The following RPLP2 variants were observed in gnomAD, a reference collection of about 807,000 sequenced individuals.
RPLP2 encodes ribosomal protein lateral stalk subunit P2.
RPLP2 carries 1 observed loss-of-function variant against 11.5 expected under a neutral mutation model. The ratio of observed to expected loss-of-function variants is 0.09; its 90% CI spans 0.03 to 0.41. The LOEUF (loss-of-function observed/expected upper bound fraction) is 0.41. Ranked by LOEUF, RPLP2 falls within the 10% of genes least tolerant of loss-of-function variation. The pLI is 0.98. For synonymous variants in RPLP2, 82 were observed against 55.9 expected (o/e 1.47, Z -2.08); for missense variants, 177 against 145.6 (o/e 1.22, Z -1.11).
chr11:811,766 A>G, intron 3 of RPLP2, 121 bp downstream of exon 3: 1 of 1,266,288 alleles, frequency 7.9e-7, no homozygotes, highest in Non-Finnish European at 1.2e-6. Context: ...TCACCCGAGG[A>G]GTGAGCAGGG....
chr11:810,285 C>A lies in RPLP2; in HGVS notation c.51C>A (p.Ser17=). 6.2e-7 allele frequency: 1 copy of A among 1,608,096 alleles called. No individual in the cohort carries two copies. The highest frequency in any genetic ancestry group is 2.3e-5 in the East Asian group (1 of 44,294). The change falls in exon 2 of 5, where the codon TCC becomes TCA. Residue 17 remains serine, a synonymous_variant. Transcript: ENST00000321153. ...TGGCTGCCCTAGGGGGCAACTCCTC[C>A]CCCAGCGCCAAGGACATCAAGAAGA... ...YLLAALGGNS[S]PSAKDIKKIL... is the part of the protein sequence containing the mutation.
At chr11:811,388 G>A in intron 2 of RPLP2, 1 of 603,114 alleles carries the variant, frequency 1.7e-6, no homozygotes, top group Non-Finnish European at 3.0e-6. Flanking sequence ...GTGTCCTTTT[G>A]TCAGTCCTAA....
intron 3 of RPLP2, 75 bp downstream of exon 3, chr11:811,720 C>T (rs1382016387): frequency 3.8e-6 from 6 of 1,597,244 alleles, no homozygotes; most frequent in Non-Finnish European, 5.2e-6. Context: ...TGTGGCCTGC[C>T]AGGTTTCGCT....
intron 2 of RPLP2, 115 bp downstream of exon 2, chr11:810,472 T>A: frequency 9.5e-7 from 1 of 1,056,328 alleles, no homozygotes; most frequent in Non-Finnish European, 1.3e-6. Flanking sequence ...CGTTTCAGTC[T>A]AGTTGGCGAT....
chr11:810,286 C>T lies in RPLP2; in HGVS notation c.52C>T (p.Pro18Ser), dbSNP rs199757717. The T allele has an allele frequency of 1.5e-4, 249 of 1,608,024 alleles. No homozygotes were observed. The highest frequency in any genetic ancestry group is 6.5e-5 in the Non-Finnish European group (77 of 1,178,186). Residue 18 changes from proline (P) to serine (S), a missense_variant, in exon 2 of 5, where the codon CCC becomes TCC. Physicochemically the swap from Pro to Ser is moderately conservative, Grantham distance 74. Coordinates refer to ENST00000321153, the MANE Select transcript of RPLP2 (RefSeq NM_001004.4). The stretch of plus-strand genomic sequence containing the variant: ...GGCTGCCCTAGGGGGCAACTCCTCC[C>T]CCAGCGCCAAGGACATCAAGAAGAT... ...LLAALGGNSS[P>S]SAKDIKKILD...
At chr11:811,512 C>T in intron 2 of RPLP2, 85 bp from the exon 3 acceptor site, 2 of 1,554,048 alleles carry the variant, frequency 1.3e-6, no homozygotes, top group Non-Finnish European at 1.8e-6. Flanking sequence ...TGTGGGGAAC[C>T]CAGTCCTGCT....
At chr11:812,142 C>G (rs762341045) in intron 3 of RPLP2, 1 of 380,026 alleles carries the variant, frequency 2.6e-6, no homozygotes, top group Non-Finnish European at 5.0e-6. Flanking sequence ...ATGCATGTGA[C>G]CACGACAGGG....
At chr11:810,113 G>A (rs146929030) in intron 1 of RPLP2, 74 bp downstream of exon 1, 81,458 of 1,202,878 alleles carry the variant, frequency 0.068, 3,178 homozygotes, top group Middle Eastern at 0.13. Context: ...GGGCGGCGGG[G>A]TATTTTTGGG....
rs879101582 is a variant in RPLP2, at chr11:812,639, T to C, written c.271+6T>C. Reference sequence around the variant, plus strand: ...TGGTTCTGCCCCTGCTGCAGGTAAGTGGTGGCCTGGTGAGTGGGCAAGGGG... The same window carrying C: ...TGGTTCTGCCCCTGCTGCAGGTAAGCGGTGGCCTGGTGAGTGGGCAAGGGG... On this transcript the variant is annotated splice_donor_region_variant and intron_variant, in intron 4 of 4. Coordinates refer to ENST00000321153, the MANE Select transcript of RPLP2 (RefSeq NM_001004.4). 6 of 1,610,594 alleles carry C rather than the reference T, an allele frequency of 3.7e-6. No homozygotes were observed. Among genetic ancestry groups the C allele is most frequent in the Non-Finnish European group, 4.2e-6 (5 of 1,179,866 alleles).
intron 2 of RPLP2, among the ~76,000 whole-genome samples, chr11:810,898 AG>A (rs1335887872): frequency 1.0e-4 from 15 of 149,508 alleles, no homozygotes; most frequent in African/African-American, 3.7e-4. Flanking sequence ...AAAAAAAAAA[AG>A]CAGTCCTGGC....
chr11:812,266 C>T, intron 3 of RPLP2: 1 of 527,330 alleles, frequency 1.9e-6, no homozygotes, highest in South Asian at 2.0e-5. Context: ...CAGTGGACCT[C>T]TGAGGGTGGA....
At chr11:812,100 T>G (rs1248553125) in intron 3 of RPLP2, 1 of 376,170 alleles carries the variant, frequency 2.7e-6, no homozygotes, top group Non-Finnish European at 5.1e-6. Context: ...TGTTTGGAAG[T>G]TGAGCTGTTG....
intron 2 of RPLP2, 165 bp downstream of exon 2, chr11:810,522 G>A (rs959536333): frequency 8.3e-6 from 5 of 601,950 alleles, no homozygotes; most frequent in African/African-American, 7.8e-5. Context: ...GGTCGGGCGC[G>A]GTGGCTCACG....
rs1177747348 is a variant in RPLP2 at position 812,707 on chromosome 11, G to C, written c.272-53G>C. The C allele has an allele frequency of 1.9e-6, 3 of 1,613,028 alleles. No individual in the cohort carries two copies. The South Asian group carries it at 3.3e-5, about 18-fold the overall frequency. On this transcript the variant is annotated intron_variant, in intron 4 of 4. Coordinates refer to ENST00000321153, the MANE Select transcript of RPLP2 (RefSeq NM_001004.4). ...TTGCTGCAGTGGGGTCTTCATGGGG[G>C]GACTGGCCTGGCACTTGGGCAGTGC...
At chr11:810,151 C>T in intron 1 of RPLP2, 83 bp from the exon 2 acceptor site, 2 of 1,370,392 alleles carry the variant, frequency 1.5e-6, no homozygotes, top group Non-Finnish European at 9.5e-7. Flanking sequence ...GAGCCACGCG[C>T]GGCCTCGCCC....
At chr11:810,077 A>T in intron 1 of RPLP2, 38 bp downstream of exon 1, 2 of 897,558 alleles carry the variant, frequency 2.2e-6, no homozygotes, top group Non-Finnish European at 3.0e-6. Flanking sequence ...CCGGCTGGGG[A>T]CGCGGAGTCC....
At chr11:811,304 C>A in intron 2 of RPLP2, 1 of 472,104 alleles carries the variant, frequency 2.1e-6, no homozygotes, top group South Asian at 2.3e-5. Context: ...AAGTCAAAGT[C>A]AATTTCATTG....
In RPLP2 at chr11:812,582, T is replaced by A. The variant is rs761695737; in HGVS notation, c.220T>A (p.Ser74Thr). The change falls in exon 4 of 5, where the codon TCT becomes ACT. Residue 74 changes from serine to threonine, a missense_variant. Physicochemically the swap from Ser to Thr is moderately conservative, Grantham distance 58. Coordinates refer to ENST00000321153, the MANE Select transcript of RPLP2 (RefSeq NM_001004.4). Reference protein sequence around the residue: ...SVPAGGAVAVSAAPGSAAPAA... With the variant: ...SVPAGGAVAVTAAPGSAAPAA... ...ACCTGCTGGTGGGGCTGTAGCCGTCTCTGCTGCCCCAGGCTCTGCAGCCCC... is the reference window on the plus strand; with the variant it reads ...ACCTGCTGGTGGGGCTGTAGCCGTCACTGCTGCCCCAGGCTCTGCAGCCCC... The A allele has an allele frequency of 1.2e-6, 2 of 1,609,480 alleles. No individual in the cohort carries two copies. Among genetic ancestry groups the A allele is most frequent in the African/African-American group, 1.3e-5 (1 of 74,868 alleles).
rs1865971523 is a variant in RPLP2, at chr11:810,003, G to A, written c.-38G>A. 2.2e-6 allele frequency: 1 copy of A among 446,744 alleles called. No individual in the cohort carries two copies. The highest frequency in any genetic ancestry group is 3.7e-6 in the Non-Finnish European group (1 of 267,258). 27.7% of individuals were successfully genotyped at this position (446,744 alleles called of 1,614,324 possible). ...CTGTCGCCACCGAGGTCGCACGCGT[G>A]AGACTTCTCCGCCGCCTCCGCCGCA... On this transcript the variant is annotated 5_prime_UTR_variant, in exon 1 of 5. Transcript: ENST00000321153.
Sources: allele counts gnomAD v4.1 joint callset (sites outside exome capture counted in the v4.1 genomes callset), GRCh38; gene constraint gnomAD v4.1.1; transcripts MANE v1.5; gene names NCBI Gene and HGNC (gene_info 2026-07-23, HGNC 2026-07-21).